Variants in EPB41L1 observed in about 807,000 individuals in gnomAD.
The protein encoded by EPB41L1 is erythrocyte membrane protein band 4.1 like 1.
Under a neutral mutation model 97.8 loss-of-function variants are expected in EPB41L1, and 29 were observed. The ratio of observed to expected loss-of-function variants is 0.30; its 90% CI spans 0.22 to 0.40. The LOEUF is 0.40. Among genes scored for constraint, EPB41L1 ranks in the 10% least tolerant of loss-of-function variants. The probability of loss-of-function intolerance (pLI) is 1.00; values close to 1 mark genes in which losing one functional copy is unlikely to be tolerated. For synonymous variants in EPB41L1, 383 were observed against 459.2 expected (o/e 0.83, Z 2.12); for missense variants, 812 against 1,162.3 (o/e 0.70, Z 4.38).
intron 2 of EPB41L1, among the ~76,000 whole-genome samples, chr20:36,118,899 A>G (rs2058667563): frequency 6.6e-6 from 1 of 152,236 alleles, no homozygotes; most frequent in Admixed American, 6.5e-5. Flanking sequence ...TTAACAGATA[A>G]AGAAACAGAG....
At chr20:36,196,370 G>A (rs946500058) in intron 13 of EPB41L1, among the ~76,000 whole-genome samples, 1 of 152,198 alleles carries the variant, frequency 6.6e-6, no homozygotes, top group Admixed American at 6.5e-5. Context: ...CACACCCACG[G>A]AGGCAGTGGG....
At chr20:36,168,548 T>G (rs2060835940) in intron 1 of EPB41L1, among the ~76,000 whole-genome samples, 1 of 151,870 alleles carries the variant, frequency 6.6e-6, no homozygotes, top group South Asian at 2.1e-4. Context: ...TTTTTTTTTT[T>G]TTAGATGGAG....
At chr20:36,160,460 C>T (rs1469643453) in intron 1 of EPB41L1, among the ~76,000 whole-genome samples, 1 of 152,076 alleles carries the variant, frequency 6.6e-6, no homozygotes. Flanking sequence ...TGGCTGGCGC[C>T]TGTAATCCCA....
intron 14 of EPB41L1, among the ~76,000 whole-genome samples, chr20:36,208,931 G>A (rs1274602931): frequency 6.6e-6 from 1 of 152,148 alleles, no homozygotes; most frequent in African/African-American, 2.4e-5. Context: ...ACCCTGAATT[G>A]CTCTTCTCTC....
intron 1 of EPB41L1, among the ~76,000 whole-genome samples, chr20:36,103,075 C>T (rs2058068299): frequency 6.6e-6 from 1 of 152,224 alleles, no homozygotes; most frequent in South Asian, 2.1e-4. Context: ...CCTACAAAGC[C>T]TTGTAAGCCC....
intron 1 of EPB41L1, among the ~76,000 whole-genome samples, chr20:36,111,381 C>A (rs569068412): frequency 3.3e-5 from 5 of 152,194 alleles, no homozygotes; most frequent in Non-Finnish European, 7.3e-5. Context: ...TCCAAGTCTC[C>A]TGCCCCATTG....
chr20:36,175,518 C>A, intron 2 of EPB41L1, 33 bp from the exon 3 acceptor site: 1 of 1,614,018 alleles, frequency 6.2e-7, no homozygotes, highest in Non-Finnish European at 8.5e-7. Context: ...TTAAAACTCA[C>A]TGAGCAAACT....
intron 13 of EPB41L1, 186 bp from the exon 14 acceptor site, chr20:36,197,673 A>G (rs1017698553): frequency 2.7e-5 from 27 of 985,032 alleles, no homozygotes; most frequent in Non-Finnish European, 3.1e-5. Flanking sequence ...TGGGATGTGC[A>G]CCTGTTGGGG....
At position 36,173,776 on chromosome 20, in the gene EPB41L1, C is replaced by A; in HGVS notation, c.-2C>A. On this transcript the variant is annotated 5_prime_UTR_variant, in exon 2 of 22. Coordinates refer to ENST00000338074, the MANE Select transcript of EPB41L1 (RefSeq NM_012156.2). ...CATGCCAATGCAGGCGTGCTGGTCA[C>A]CATGACAACAGAGACAGGCCCCGAC... The A allele has an allele frequency of 6.2e-7, 1 of 1,614,138 alleles. No homozygotes were observed. The highest frequency in any genetic ancestry group is 8.5e-7 in the Non-Finnish European group (1 of 1,180,012).
intron 1 of EPB41L1, among the ~76,000 whole-genome samples, chr20:36,165,868 A>G (rs1190169249): frequency 1.3e-5 from 2 of 152,352 alleles, no homozygotes; most frequent in South Asian, 2.1e-4. Context: ...AGAAATCAGT[A>G]CAGCATGAGC....
intron 1 of EPB41L1, among the ~76,000 whole-genome samples, chr20:36,106,651 G>A (rs2058200304): frequency 6.6e-6 from 1 of 152,220 alleles, no homozygotes; most frequent in African/African-American, 2.4e-5. Flanking sequence ...CTATTCAGAG[G>A]TAAGCTCACA....
rs144781962 is a variant in EPB41L1, at chr20:36,230,496, T to G, written c.*1156T>G. The G allele has an allele frequency of 1.8e-3, 271 of 152,580 alleles. No individual in the cohort carries two copies. Among genetic ancestry groups the G allele is most frequent in the Non-Finnish European group, 2.4e-3 (161 of 68,028 alleles). 9.5% of individuals were successfully genotyped at this position (152,580 alleles called of 1,614,324 possible). The stretch of plus-strand genomic sequence containing the variant: ...AGTGTAGTAATACTGTGTGTGGTGT[T>G]TGTAATTGGTTGATTGGTGGGGAGG... On this transcript the variant is annotated 3_prime_UTR_variant, in exon 22 of 22. Transcript: ENST00000338074.
chr20:36,114,212 T>C (rs1187013850), intron 2 of EPB41L1, among the ~76,000 whole-genome samples: 6 of 152,224 alleles, frequency 3.9e-5, no homozygotes, highest in Non-Finnish European at 8.8e-5. Context: ...AATAGAGTTT[T>C]TCAAATCTCT....
intron 2 of EPB41L1, among the ~76,000 whole-genome samples, chr20:36,113,407 T>C (rs1209145150): frequency 7.4e-6 from 1 of 134,500 alleles, no homozygotes; most frequent in East Asian, 2.1e-4. Context: ...AAACTTTCCA[T>C]TTGTGTGTGT....
chr20:36,231,530 T>C lies in EPB41L1; in HGVS notation c.*2190T>C, dbSNP rs2064488747. The C allele has an allele frequency of 1.3e-5, 2 of 152,274 alleles. No individual in the cohort carries two copies. Among genetic ancestry groups the C allele is most frequent in the Admixed American group, 6.5e-5 (1 of 15,286 alleles). The allele number at this position is 152,274 out of a possible 1,614,324, so 9.4% of individuals were successfully genotyped here. A position where few individuals can be genotyped will look rare whatever the true frequency, so the allele number is the denominator to read the frequency against. On this transcript the variant is annotated 3_prime_UTR_variant, in exon 22 of 22. Transcript: ENST00000338074. ...GCATCTCCCCACTCTCGCCAACCTA[T>C]CGGGGCATAGCCCAGGGATGCCCCC...
At chr20:36,184,991 C>G in intron 6 of EPB41L1, 126 bp from the exon 7 acceptor site, 1 of 888,638 alleles carries the variant, frequency 1.1e-6, no homozygotes, top group Non-Finnish European at 1.8e-6. Flanking sequence ...ATATATGAAG[C>G]GCCAATGTCT....
Position 36,221,877 on chromosome 20 carries a change from G to C in EPB41L1, c.2453G>C (p.Gly818Ala). The C allele has an allele frequency of 6.2e-7, 1 of 1,614,144 alleles. No homozygotes were observed. Among genetic ancestry groups the C allele is most frequent in the South Asian group, 1.1e-5 (1 of 91,080 alleles). ...TTHVTKTVKG[G>A]FSETRIEKRI... ...CTCCCTCTGCAGACTGTGAAAGGAG[G>C]GTTTTCTGAGACAAGGATCGAGAAG... The change falls in exon 20 of 22, where the codon GGG (glycine) becomes GCG (alanine). Residue 818 changes from glycine (G) to alanine (A), a missense_variant. Physicochemically the swap from Gly to Ala is moderately conservative, Grantham distance 60. Around this residue, in one of 3 missense-constraint regions of EPB41L1, gnomAD observed 498 missense variants for 622.7 expected, o/e 0.80. Coordinates refer to ENST00000338074, the MANE Select transcript of EPB41L1 (RefSeq NM_012156.2).
upstream of EPB41L1, chr20:36,151,709 G>T (rs2060055134): frequency 6.6e-6 from 1 of 152,274 alleles, no homozygotes; most frequent in African/African-American, 2.4e-5. Context: ...AAGGGTTATT[G>T]TTGGGTAAAG....
rs992144239 is a variant in EPB41L1, at chr20:36,212,884, T to A, written c.2184+508T>A. Among the ~76,000 whole-genome samples, 1 of 152,170 alleles carries A rather than the reference T, an allele frequency of 6.6e-6. No individual in the cohort carries two copies. The highest frequency in any genetic ancestry group is 6.5e-5 in the Admixed American group (1 of 15,278). Reference sequence around the variant, plus strand: ...CAAAGTGAAAGAAGAAAACCGAAGATCATGTGTCTTGACAAGAAGCAGCAT... The same window carrying A: ...CAAAGTGAAAGAAGAAAACCGAAGAACATGTGTCTTGACAAGAAGCAGCAT... On this transcript the variant is annotated intron_variant, in intron 16 of 21. Transcript: ENST00000338074. The surrounding 1 kb of genome is among the most constrained non-coding windows in gnomAD (Gnocchi z 4.8).
Sources: allele counts gnomAD v4.1 joint callset (sites outside exome capture counted in the v4.1 genomes callset), GRCh38; gene constraint gnomAD v4.1.1; regional missense constraint gnomAD v4.1.1; non-coding constraint Gnocchi (gnomAD v3.1); transcripts MANE v1.5; gene names NCBI Gene and HGNC (gene_info 2026-07-23, HGNC 2026-07-21).